The following MACROD2 variants were observed in gnomAD, a reference collection of about 807,000 sequenced individuals.
The protein encoded by MACROD2 is mono-ADP ribosylhydrolase 2, also known as ADP-ribose glycohydrolase MACROD2.
A neutral mutation model predicts 70.4 loss-of-function variants in MACROD2; 36 were observed. The observed-to-expected ratio is 0.51, with a 90% CI of 0.39 to 0.68. The LOEUF (loss-of-function observed/expected upper bound fraction) is 0.68. Among genes scored for constraint, MACROD2 ranks in the 30% least tolerant of loss-of-function variants. The pLI is 0.00. For missense variants in MACROD2, 496 were observed against 538.4 expected (o/e 0.92, Z 0.78); for synonymous variants, 172 against 178.8 (o/e 0.96, Z 0.30).
chr20:16,052,616 G>T lies in MACROD2; in HGVS notation c.*2740G>T, dbSNP rs1440325523. The T allele has an allele frequency of 6.6e-6, 1 of 152,606 alleles. No individual in the cohort carries two copies. The highest frequency in any genetic ancestry group is 1.5e-5 in the Non-Finnish European group (1 of 68,032). 9.5% of individuals were successfully genotyped at this position (152,606 alleles called of 1,614,324 possible). On this transcript the variant is annotated 3_prime_UTR_variant, in exon 18 of 18. Transcript: ENST00000684519. ...GATGGACAAGTCTTCTTTCATAAAA[G>T]ATTACAAAGAAGGCATCCGAATCAC...
At chr20:15,988,561 C>T (rs891040569) in intron 15 of MACROD2, among the ~76,000 whole-genome samples, 28 of 152,084 alleles carry the variant, frequency 1.8e-4, no homozygotes, top group African/African-American at 6.0e-4. Context: ...CAGAGCCTTC[C>T]CAAGCATTGA....
intron 3 of MACROD2, chr20:14,325,837 G>A (rs533043858): frequency 3.1e-6 from 5 of 1,613,848 alleles, no homozygotes; most frequent in South Asian, 1.1e-5. Flanking sequence ...TGAGAAGAGC[G>A]ATCCATTCCT....
intron 2 of MACROD2, among the ~76,000 whole-genome samples, chr20:14,045,069 C>T (rs948558213): frequency 9.9e-5 from 15 of 152,214 alleles, no homozygotes; most frequent in Non-Finnish European, 1.5e-4. Flanking sequence ...GCCGGCTTGC[C>T]GCTCCGAGTG....
At chr20:15,437,445 C>T (rs754952387) in intron 7 of MACROD2, among the ~76,000 whole-genome samples, 15 of 152,162 alleles carry the variant, frequency 9.9e-5, no homozygotes, top group Admixed American at 2.0e-4. Context: ...CCAGTGTTGT[C>T]TATCTCATGC....
intron 4 of MACROD2, among the ~76,000 whole-genome samples, chr20:14,509,356 A>G (rs538041430): frequency 6.6e-6 from 1 of 152,244 alleles, no homozygotes; most frequent in Non-Finnish European, 1.5e-5. Flanking sequence ...ATTGTAATAT[A>G]TTTGATTAAC....
intron 4 of MACROD2, among the ~76,000 whole-genome samples, chr20:14,608,915 A>G (rs908242991): frequency 2.0e-5 from 3 of 152,136 alleles, no homozygotes; most frequent in Non-Finnish European, 2.9e-5. Context: ...CAGGGATAGA[A>G]AATACTACTA....
intron 12 of MACROD2, among the ~76,000 whole-genome samples, chr20:15,961,631 C>T (rs2066063278): frequency 6.6e-6 from 1 of 152,224 alleles, no homozygotes; most frequent in South Asian, 2.1e-4. Flanking sequence ...CCACAAAAGC[C>T]TTTATCATTT....
intron 8 of MACROD2, among the ~76,000 whole-genome samples, chr20:15,526,727 T>G (rs1323046107): frequency 6.6e-6 from 1 of 152,194 alleles, no homozygotes; most frequent in Non-Finnish European, 1.5e-5. Flanking sequence ...ATTGGGCGTG[T>G]GGGGGCTCTG....
At chr20:14,038,496 C>T (rs1231642567) in intron 2 of MACROD2, among the ~76,000 whole-genome samples, 1 of 152,174 alleles carries the variant, frequency 6.6e-6, no homozygotes, top group Non-Finnish European at 1.5e-5. Flanking sequence ...TGTTGAGTGG[C>T]AAAGTTGGGA....
intron 4 of MACROD2, among the ~76,000 whole-genome samples, chr20:14,606,980 C>T (rs1982847327): frequency 6.6e-6 from 1 of 152,152 alleles, no homozygotes; most frequent in Non-Finnish European, 1.5e-5. Context: ...CTACAATGCA[C>T]ACAAACACAT....
intron 5 of MACROD2, among the ~76,000 whole-genome samples, chr20:14,880,260 C>T (rs1470232895): frequency 2.6e-5 from 4 of 152,180 alleles, no homozygotes; most frequent in Non-Finnish European, 4.4e-5. Flanking sequence ...TCACTGCCAA[C>T]ACAGCCTCTG....
At chr20:14,738,117 A>T (rs1932939) in intron 5 of MACROD2, among the ~76,000 whole-genome samples, 34,841 of 150,724 alleles carry the variant, frequency 0.23, 4,598 homozygotes, top group East Asian at 0.44. Flanking sequence ...GAACTGAGAT[A>T]GAAATTTGAG....
At chr20:14,932,466 T>A (rs1019081236) in intron 5 of MACROD2, among the ~76,000 whole-genome samples, 1 of 152,136 alleles carries the variant, frequency 6.6e-6, no homozygotes, top group Non-Finnish European at 1.5e-5. Flanking sequence ...AAGTTATCCA[T>A]CTTTCTTCTT....
chr20:14,066,494 A>G (rs2148658548), intron 2 of MACROD2, among the ~76,000 whole-genome samples: 1 of 152,370 alleles, frequency 6.6e-6, no homozygotes, highest in Non-Finnish European at 1.5e-5. Flanking sequence ...ACATTTTAAA[A>G]CATTTTATTT....
At chr20:15,091,345 A>C (rs1299942185) in intron 5 of MACROD2, among the ~76,000 whole-genome samples, 2 of 151,636 alleles carry the variant, frequency 1.3e-5, no homozygotes, top group African/African-American at 4.9e-5. Flanking sequence ...TTAAAAAATA[A>C]AACCAAACAA....
At chr20:15,609,158 C>G (rs2048932585) in intron 8 of MACROD2, among the ~76,000 whole-genome samples, 4 of 152,138 alleles carry the variant, frequency 2.6e-5, no homozygotes, top group Admixed American at 2.6e-4. Flanking sequence ...GCCCACCCAC[C>G]CCCAGGTGCT....
At chr20:15,539,715 C>T (rs780788828) in intron 8 of MACROD2, among the ~76,000 whole-genome samples, 66 of 152,158 alleles carry the variant, frequency 4.3e-4, no homozygotes, top group Non-Finnish European at 1.6e-4. Flanking sequence ...GAGCCGGGCA[C>T]GGTGGCTCAT....
At chr20:15,147,951 T>C (rs1038439118) in intron 5 of MACROD2, among the ~76,000 whole-genome samples, 4 of 152,106 alleles carry the variant, frequency 2.6e-5, no homozygotes, top group Non-Finnish European at 5.9e-5. Context: ...TTTCACAAGA[T>C]AATGTCATCA....
At chr20:14,148,245 G>A (rs1335104883) in intron 3 of MACROD2, among the ~76,000 whole-genome samples, 1 of 152,186 alleles carries the variant, frequency 6.6e-6, no homozygotes, top group African/African-American at 2.4e-5. Context: ...AGCAGGGCCT[G>A]GCTTAGTGCT....
Sources: gnomAD v4.1 joint callset for allele counts (sites outside exome capture counted in the v4.1 genomes callset) on GRCh38, gnomAD v4.1.1 for gene constraint, MANE v1.5 for transcripts, NCBI Gene and HGNC (gene_info 2026-07-23, HGNC 2026-07-21) for gene names.